SLC9A9: variants seen among roughly 807,000 people sequenced by gnomAD.
SLC9A9 encodes sodium/hydrogen exchanger 9.
In SLC9A9, 62 loss-of-function variants were observed where a neutral mutation model predicts 77.8. That is an observed-to-expected ratio of 0.80 (90% CI 0.65 to 0.98). The LOEUF is 0.98. Ranked by LOEUF, SLC9A9 falls within the 50% of genes least tolerant of loss-of-function variation. The pLI is 0.00. For synonymous variants in SLC9A9, 320 were observed against 283.5 expected, an observed-to-expected ratio of 1.13 and a Z score of -1.29; for missense variants, 775 against 774.9, an observed-to-expected ratio of 1.00 and a Z score of 0.00.
At chr3:143,327,734 T>G (rs557574200) in intron 14 of SLC9A9, among the ~76,000 whole-genome samples, 1 of 152,328 alleles carries the variant, frequency 6.6e-6, no homozygotes, top group East Asian at 1.9e-4. Context: ...GTAACAGGAT[T>G]AACAGACATT....
chr3:143,400,940 G>A (rs995817791), intron 12 of SLC9A9, among the ~76,000 whole-genome samples: 5 of 152,006 alleles, frequency 3.3e-5, no homozygotes, highest in African/African-American at 7.3e-5. Context: ...AGTCCTGATC[G>A]TGGGTGAAGT....
intron 5 of SLC9A9, among the ~76,000 whole-genome samples, chr3:143,682,203 G>A (rs530813370): frequency 3.9e-5 from 6 of 152,176 alleles, no homozygotes; most frequent in Non-Finnish European, 8.8e-5. Flanking sequence ...TAAAGGGCAA[G>A]AAAGCCAAGT....
intron 5 of SLC9A9, among the ~76,000 whole-genome samples, chr3:143,653,348 G>T (rs552177378): frequency 6.6e-6 from 1 of 152,272 alleles, no homozygotes; most frequent in South Asian, 2.1e-4. Flanking sequence ...AAACAGTTAA[G>T]CAGAGTGTGA....
intron 12 of SLC9A9, among the ~76,000 whole-genome samples, chr3:143,410,286 G>A (rs2034068006): frequency 6.6e-6 from 1 of 152,104 alleles, no homozygotes; most frequent in South Asian, 2.1e-4. Flanking sequence ...AAAAATCTGG[G>A]GTAAGCAGGG....
chr3:143,700,567 G>A (rs897779108), intron 4 of SLC9A9, among the ~76,000 whole-genome samples: 32 of 152,224 alleles, frequency 2.1e-4, no homozygotes, highest in Admixed American at 3.9e-4. Context: ...ACCATGGGGT[G>A]AGGTCCCTCT....
chr3:143,765,079 C>T (rs1382015784), intron 4 of SLC9A9, among the ~76,000 whole-genome samples: 2 of 140,844 alleles, frequency 1.4e-5, no homozygotes, highest in East Asian at 4.0e-4. Flanking sequence ...TTCTCTCTTT[C>T]TTTTTCTTTC....
At chr3:143,631,987 GCCT>G (rs927162287) in intron 6 of SLC9A9, among the ~76,000 whole-genome samples, 20 of 152,222 alleles carry the variant, frequency 1.3e-4, no homozygotes, top group Admixed American at 3.3e-4. Flanking sequence ...GGAAGAACTT[GCCT>G]CCTCAACTGC....
At chr3:143,286,079 C>CA (rs1938373816) in intron 14 of SLC9A9, among the ~76,000 whole-genome samples, 1 of 151,674 alleles carries the variant, frequency 6.6e-6, no homozygotes, top group South Asian at 2.1e-4. Context: ...CTCTTTCAAC[C>CA]AAAAAAAGGG....
In SLC9A9 at chr3:143,646,335, C is replaced by T. The variant is rs867592386; in HGVS notation, c.755+5920G>A. On this transcript the variant is annotated intron_variant, in intron 6 of 15. Transcript: ENST00000316549. The stretch of plus-strand genomic sequence containing the variant: ...TATATAATTATATTCATATATAATA[C>T]ATATAATGTATGTTAGTATATATAA... Among the ~76,000 whole-genome samples, 72 of 147,388 alleles carry T rather than the reference C, an allele frequency of 4.9e-4. No homozygotes were observed. The Middle Eastern group carries it at 0.011, about 22-fold the overall frequency.
rs376796535 is a variant in SLC9A9 at position 143,685,353 on chromosome 3, G to T, written c.649+7839C>A. Reference sequence around the variant, plus strand: ...AGGGTTCAGTAGCAACATGTATCTCGTAAGTATCATGTCGGATACAGCAAC... The same window carrying T: ...AGGGTTCAGTAGCAACATGTATCTCTTAAGTATCATGTCGGATACAGCAAC... On this transcript the variant is annotated intron_variant, in intron 5 of 15. Coordinates refer to ENST00000316549, the MANE Select transcript of SLC9A9 (RefSeq NM_173653.4). 7.2e-5 allele frequency among the ~76,000 whole-genome samples: 11 copies of T among 152,062 alleles called. No individual in the cohort carries two copies. In the East Asian group the frequency reaches 2.1e-3, roughly 29 times the overall value.
chr3:143,478,935 T>C (rs370368114), intron 11 of SLC9A9, among the ~76,000 whole-genome samples: 1 of 152,226 alleles, frequency 6.6e-6, no homozygotes, highest in East Asian at 1.9e-4. Flanking sequence ...ATCAGATACT[T>C]GTGATATCTG....
At chr3:143,426,294 T>C (rs2034403449) in intron 12 of SLC9A9, among the ~76,000 whole-genome samples, 1 of 152,244 alleles carries the variant, frequency 6.6e-6, no homozygotes, top group South Asian at 2.1e-4. Context: ...TAGCAGAGAC[T>C]TTACTTTCAA....
At chr3:143,417,570 G>A (rs1397080512) in intron 12 of SLC9A9, among the ~76,000 whole-genome samples, 2 of 150,756 alleles carry the variant, frequency 1.3e-5, no homozygotes. Flanking sequence ...GGGATGGATG[G>A]AGAGAGAGAG....
rs373724043 is a variant in SLC9A9 at position 143,518,248 on chromosome 3, G to A, written c.1090-22800C>T. On this transcript the variant is annotated intron_variant, in intron 9 of 15. Coordinates refer to ENST00000316549, the MANE Select transcript of SLC9A9 (RefSeq NM_173653.4). ...GGTCCATGGCAGGGAGGTGGTGGGC[G>A]AAGCTCAGGGGCTGCAGCCCGGTTC... is the stretch of plus-strand genomic sequence containing the variant. The A allele has an allele frequency of 1.0e-5, 16 of 1,570,466 alleles. No homozygotes were observed. In the African/African-American group the frequency reaches 1.6e-4, roughly 16 times the overall value.
chr3:143,552,037 C>T (rs533587626), intron 9 of SLC9A9, among the ~76,000 whole-genome samples: 1 of 152,220 alleles, frequency 6.6e-6, no homozygotes, highest in Non-Finnish European at 1.5e-5. Flanking sequence ...TATAACTACA[C>T]AATCTCACAT....
intron 8 of SLC9A9, among the ~76,000 whole-genome samples, chr3:143,560,226 A>T (rs1006203453): frequency 3.3e-5 from 5 of 152,168 alleles, no homozygotes; most frequent in Non-Finnish European, 7.4e-5. Flanking sequence ...CTATTAGGGG[A>T]TGTCCATGAT....
chr3:143,425,295 A>G (rs2034383817), intron 12 of SLC9A9, among the ~76,000 whole-genome samples: 2 of 134,234 alleles, frequency 1.5e-5, no homozygotes, highest in Admixed American at 1.6e-4. Flanking sequence ...TTTAAGTATA[A>G]TCATCGTATC....
chr3:143,280,428 T>C (rs1938181573), intron 14 of SLC9A9, among the ~76,000 whole-genome samples: 1 of 152,196 alleles, frequency 6.6e-6, no homozygotes, highest in Admixed American at 6.5e-5. Context: ...GGAGAGCCCT[T>C]TGTCTTTATA....
chr3:143,689,673 G>A (rs116343189), intron 5 of SLC9A9, among the ~76,000 whole-genome samples: 1,707 of 122,384 alleles, frequency 0.014, 29 homozygotes, highest in African/African-American at 0.047. Flanking sequence ...GCCTCACATA[G>A]GGTTGGGATT....
Sources: gnomAD v4.1 joint callset for allele counts (sites outside exome capture counted in the v4.1 genomes callset) on GRCh38, gnomAD v4.1.1 for gene constraint, MANE v1.5 for transcripts, NCBI Gene and HGNC (gene_info 2026-07-23, HGNC 2026-07-21) for gene names.